The following ALCAM variants were observed in gnomAD, a reference collection of about 807,000 sequenced individuals.
ALCAM encodes the protein CD166 antigen.
ALCAM carries 30 observed loss-of-function variants against 70.9 expected under a neutral mutation model. The ratio of observed to expected loss-of-function variants is 0.42; its 90% CI spans 0.32 to 0.57. The LOEUF is 0.57. Among genes scored for constraint, ALCAM ranks in the 20% least tolerant of loss-of-function variants. ALCAM has a pLI of 0.11. For synonymous variants in ALCAM, 249 were observed against 242.5 expected, an observed-to-expected ratio of 1.03 and a Z score of -0.25; for missense variants, 591 against 695.1, an observed-to-expected ratio of 0.85 and a Z score of 1.68.
At chr3:105,524,766 A>G in intron 3 of ALCAM, 8 of 1,225,644 alleles carry the variant, frequency 6.5e-6, no homozygotes, top group Non-Finnish European at 7.2e-6. Flanking sequence ...GTCGTGAGCT[A>G]TGAAGTACTA....
chr3:105,572,791 C>G (rs963256797), intron 15 of ALCAM, among the ~76,000 whole-genome samples: 2 of 152,052 alleles, frequency 1.3e-5, no homozygotes, highest in Non-Finnish European at 2.9e-5. Flanking sequence ...AAAGTGTTTT[C>G]GGAAGAATGG....
intron 1 of ALCAM, among the ~76,000 whole-genome samples, chr3:105,368,857 G>GA (rs1012209712): frequency 7.2e-5 from 11 of 151,866 alleles, no homozygotes; most frequent in East Asian, 1.9e-4. Context: ...GAGGCTGAGG[G>GA]AAAAAAAAGG....
intron 15 of ALCAM, 103 bp downstream of exon 15, chr3:105,572,067 T>C: frequency 1.5e-6 from 1 of 656,554 alleles, no homozygotes; most frequent in Non-Finnish European, 2.5e-6. Flanking sequence ...ATTACAGCTT[T>C]CAAAACAGGA....
At chr3:105,433,669 G>T (rs756376565) in intron 1 of ALCAM, among the ~76,000 whole-genome samples, 5 of 149,250 alleles carry the variant, frequency 3.4e-5, no homozygotes, top group Non-Finnish European at 6.0e-5. Flanking sequence ...GATCAATGCA[G>T]TTTTTTTTTG....
chr3:105,409,296 A>G (rs998124182), intron 1 of ALCAM, among the ~76,000 whole-genome samples: 2 of 151,584 alleles, frequency 1.3e-5, no homozygotes, highest in African/African-American at 4.9e-5. Context: ...GACCAGTTCA[A>G]ATGTCCATCA....
chr3:105,391,036 C>G (rs1266527217), intron 1 of ALCAM, among the ~76,000 whole-genome samples: 3 of 152,052 alleles, frequency 2.0e-5, no homozygotes, highest in Non-Finnish European at 2.9e-5. Context: ...CATGATGCCT[C>G]CAGCTTTGTT....
intron 1 of ALCAM, among the ~76,000 whole-genome samples, chr3:105,457,856 T>A (rs2152595584): frequency 6.6e-6 from 1 of 152,236 alleles, no homozygotes; most frequent in South Asian, 2.1e-4. Flanking sequence ...ACCTGGAATG[T>A]CCTTCCACCA....
rs185246845 is a variant in ALCAM at position 105,391,708 on chromosome 3, G to A, written c.73+24227G>A. On this transcript the variant is annotated intron_variant, in intron 1 of 15. Transcript: ENST00000306107. Reference sequence around the variant, plus strand: ...CTTCCAGCTTTTGCCCATTCAGTGGGATATTGGCTATGGGTTTGTGATAAA... The same window carrying A: ...CTTCCAGCTTTTGCCCATTCAGTGGAATATTGGCTATGGGTTTGTGATAAA... Among the ~76,000 whole-genome samples, 496 of 152,158 alleles carry A rather than the reference G, an allele frequency of 3.3e-3. 13 individuals carry two copies. The highest frequency in any genetic ancestry group is 0.028 in the Admixed American group (425 of 15,274).
chr3:105,473,140 A>C (rs1937983290), intron 1 of ALCAM, among the ~76,000 whole-genome samples: 1 of 151,524 alleles, frequency 6.6e-6, no homozygotes, highest in Non-Finnish European at 1.5e-5. Context: ...ACCCATATAA[A>C]AATAAAGTGT....
intron 1 of ALCAM, among the ~76,000 whole-genome samples, chr3:105,479,822 A>G (rs1216041059): frequency 6.6e-6 from 1 of 152,148 alleles, no homozygotes; most frequent in Non-Finnish European, 1.5e-5. Context: ...GGTGTTTATC[A>G]GTCCCTTAAA....
chr3:105,469,162 T>G (rs1168474134), intron 1 of ALCAM, among the ~76,000 whole-genome samples: 3 of 96,462 alleles, frequency 3.1e-5, no homozygotes, highest in African/African-American at 1.2e-4. Flanking sequence ...CCCCAACAAG[T>G]ATTGCGGGGT....
intron 1 of ALCAM, among the ~76,000 whole-genome samples, chr3:105,369,315 T>A (rs530544155): frequency 6.6e-6 from 1 of 152,246 alleles, no homozygotes; most frequent in Admixed American, 6.5e-5. Context: ...CTTTCAGACC[T>A]CCTTCACGGT....
intron 6 of ALCAM, among the ~76,000 whole-genome samples, chr3:105,538,869 G>C (rs994929972): frequency 7.3e-4 from 111 of 152,120 alleles, no homozygotes; most frequent in African/African-American, 2.6e-3. Flanking sequence ...AGTATTCAGA[G>C]ATGCCCAAGC....
intron 1 of ALCAM, among the ~76,000 whole-genome samples, chr3:105,455,374 G>T (rs967745488): frequency 1.3e-5 from 2 of 151,192 alleles, no homozygotes; most frequent in African/African-American, 4.9e-5. Context: ...CCCGGGAGGC[G>T]GAGCTTGCAG....
chr3:105,467,036 C>T (rs977587596), intron 1 of ALCAM, among the ~76,000 whole-genome samples: 1 of 151,298 alleles, frequency 6.6e-6, no homozygotes, highest in African/African-American at 2.4e-5. Context: ...TAATTCTCAA[C>T]TTTACCATTT....
At chr3:105,517,334 C>T (rs1055250119) in intron 1 of ALCAM, among the ~76,000 whole-genome samples, 3 of 152,128 alleles carry the variant, frequency 2.0e-5, no homozygotes, top group Non-Finnish European at 2.9e-5. Context: ...GCCACTCATT[C>T]TGCCCTAGGC....
In ALCAM at chr3:105,550,181, C is replaced by T. The variant is rs764188851; in HGVS notation, c.1429C>T (p.Pro477Ser). 2 of 1,600,360 alleles carry T rather than the reference C, an allele frequency of 1.2e-6. No individual in the cohort carries two copies. Among genetic ancestry groups the T allele is most frequent in the Non-Finnish European group, 8.6e-7 (1 of 1,169,540 alleles). ...GTATTATAGTAAAATTATCATTTCC[C>T]CTGAAGAGAATGTTACATTAACTTG... is the stretch of plus-strand genomic sequence containing the variant. The part of the protein sequence containing the change: ...GRYYSKIIIS[P>S]EENVTLTCTA... Residue 477 changes from proline to serine, a missense_variant, in exon 12 of 16, where the codon CCT (proline) becomes TCT (serine). Physicochemically the swap from Pro to Ser is moderately conservative, Grantham distance 74. Around this residue, in one of 2 missense-constraint regions of ALCAM, gnomAD observed 164 missense variants for 244.7 expected, o/e 0.67. Transcript: ENST00000306107.
At chr3:105,486,248 A>G (rs972901349) in intron 1 of ALCAM, among the ~76,000 whole-genome samples, 1 of 152,110 alleles carries the variant, frequency 6.6e-6, no homozygotes, top group East Asian at 1.9e-4. Context: ...TGAAGAGCCT[A>G]ATATAGTGAA....
chr3:105,458,801 T>C (rs966695406), intron 1 of ALCAM, among the ~76,000 whole-genome samples: 1 of 152,194 alleles, frequency 6.6e-6, no homozygotes, highest in African/African-American at 2.4e-5. Context: ...GCTCTGCTCC[T>C]GTTTTTTAGC....
Sources: gnomAD v4.1 joint callset for allele counts (sites outside exome capture counted in the v4.1 genomes callset) on GRCh38, gnomAD v4.1.1 for gene constraint, gnomAD v4.1.1 regional missense constraint, MANE v1.5 for transcripts, NCBI Gene and HGNC (gene_info 2026-07-23, HGNC 2026-07-21) for gene names.